Variants in TMX3 observed in about 807,000 individuals in gnomAD.
TMX3 encodes protein disulfide-isomerase TMX3.
A neutral mutation model predicts 64.4 loss-of-function variants in TMX3; 40 were observed. The ratio of observed to expected loss-of-function variants is 0.62; its 90% CI spans 0.48 to 0.81. TMX3 has a LOEUF of 0.81. Ranked by LOEUF, TMX3 falls within the 30% of genes least tolerant of loss-of-function variation. The pLI is 0.00. For synonymous variants in TMX3, 189 were observed against 175.7 expected, an observed-to-expected ratio of 1.08 and a Z score of -0.60; for missense variants, 497 against 534.5, an observed-to-expected ratio of 0.93 and a Z score of 0.69.
At chr18:68,691,117 A>C (rs1914475714) in intron 9 of TMX3, 178 bp downstream of exon 9, 1 of 413,132 alleles carries the variant, frequency 2.4e-6, no homozygotes, top group Non-Finnish European at 4.4e-6. Context: ...CAGAATAAAA[A>C]TAACTAACAA....
At chr18:68,703,697 G>A (rs1409915983) in intron 4 of TMX3, among the ~76,000 whole-genome samples, 4 of 152,210 alleles carry the variant, frequency 2.6e-5, no homozygotes, top group African/African-American at 9.6e-5. Context: ...TTGGGAGGCT[G>A]AGGCCAGTGG....
At chr18:68,714,320 G>A (rs2031656966) in intron 1 of TMX3, 1 of 155,848 alleles carries the variant, frequency 6.4e-6, no homozygotes, top group African/African-American at 2.4e-5. Flanking sequence ...TAGATACGTA[G>A]GAAGAAAGTC....
intron 9 of TMX3, chr18:68,690,972 T>C (rs1914464317): frequency 3.8e-6 from 1 of 260,998 alleles, no homozygotes; most frequent in African/African-American, 2.2e-5. Flanking sequence ...TCTTTTTCTG[T>C]ATCTGAAATG....
intron 8 of TMX3, chr18:68,696,911 A>ACACACACACACACAC (rs1568192049): frequency 8.2e-6 from 2 of 243,836 alleles, no homozygotes; most frequent in African/African-American, 4.7e-5. Context: ...TACGCACGCA[A>ACACACACACACACAC]AATAATCCAC....
intron 2 of TMX3, among the ~76,000 whole-genome samples, chr18:68,711,852 C>A (rs529545457): frequency 2.1e-4 from 32 of 152,210 alleles, no homozygotes; most frequent in African/African-American, 7.7e-4. Context: ...TCATAAAATG[C>A]GCGTGAGAAA....
At chr18:68,681,300 ATTTG>A (rs1913411834) in intron 13 of TMX3, 190 bp from the exon 14 acceptor site, 3 of 579,652 alleles carry the variant, frequency 5.2e-6, no homozygotes, top group Non-Finnish European at 7.3e-6. Flanking sequence ...TACCTTTTTA[ATTTG>A]TTTGATATTT....
intron 9 of TMX3, among the ~76,000 whole-genome samples, chr18:68,689,409 AG>A (rs1437203238): frequency 1.3e-5 from 2 of 151,382 alleles, no homozygotes; most frequent in Non-Finnish European, 2.9e-5. Context: ...TTTTTTTTAA[AG>A]GAAGAAACAA....
At chr18:68,696,001 C>T (rs992449843) in intron 8 of TMX3, among the ~76,000 whole-genome samples, 24 of 152,194 alleles carry the variant, frequency 1.6e-4, no homozygotes, top group African/African-American at 4.6e-4. Context: ...GTTATCTGTT[C>T]GTTTCTGGCG....
chr18:68,695,163 C>G lies in TMX3; in HGVS notation c.570+2063G>C, dbSNP rs143722949. Among the ~76,000 whole-genome samples the G allele has an allele frequency of 9.8e-3, 1,496 of 152,284 alleles. 31 individuals are homozygous for G. The highest frequency in any genetic ancestry group is 0.055 in the East Asian group (286 of 5,170). ...CTCCCCATTACTCCTCTGAAAACCA[C>G]CAACAACCTCCATGTGGACACACAT... On this transcript the variant is annotated intron_variant, in intron 8 of 15. Coordinates refer to ENST00000299608, the MANE Select transcript of TMX3 (RefSeq NM_019022.5).
chr18:68,701,736 T>C lies in TMX3; in HGVS notation c.311+9A>G, dbSNP rs1159101080. 1 of 1,611,728 alleles carries C rather than the reference T, an allele frequency of 6.2e-7. No homozygotes were observed. The highest frequency in any genetic ancestry group is 1.3e-5 in the African/African-American group (1 of 74,944). On this transcript the variant is annotated intron_variant, in intron 5 of 15. Coordinates refer to ENST00000299608, the MANE Select transcript of TMX3 (RefSeq NM_019022.5). ...AAATACACATATAAACATACAACACTCAACTTACAGCTTAATTGTTGGATA... is the reference window on the plus strand; with the variant it reads ...AAATACACATATAAACATACAACACCCAACTTACAGCTTAATTGTTGGATA...
chr18:68,709,997 A>T, intron 4 of TMX3, 24 bp downstream of exon 4: 8 of 1,564,794 alleles, frequency 5.1e-6, no homozygotes, highest in Non-Finnish European at 6.9e-6. Context: ...GAACAGTAAA[A>T]TAATAAACTA....
chr18:68,708,988 G>A lies in TMX3; in HGVS notation c.265+1033C>T, dbSNP rs189086993. Among the ~76,000 whole-genome samples the A allele has an allele frequency of 6.6e-3, 1,006 of 152,214 alleles. 42 individuals are homozygous for A. Among genetic ancestry groups the A allele is most frequent in the Non-Finnish European group, 2.1e-3 (140 of 67,978 alleles). On this transcript the variant is annotated intron_variant, in intron 4 of 15. Coordinates refer to ENST00000299608, the MANE Select transcript of TMX3 (RefSeq NM_019022.5). ...AAACATAGCTCTGTCTTGCTCCAAA[G>A]TAAAATTGCTGATTTCCTAAAACGA... is the stretch of plus-strand genomic sequence containing the variant.
At chr18:68,683,595 T>C (rs1913658299) in intron 12 of TMX3, among the ~76,000 whole-genome samples, 1 of 152,172 alleles carries the variant, frequency 6.6e-6, no homozygotes, top group Non-Finnish European at 1.5e-5. Context: ...TACATGTGCA[T>C]ATTTTATTTA....
At chr18:68,704,331 A>G (rs1022371981) in intron 4 of TMX3, among the ~76,000 whole-genome samples, 13 of 152,232 alleles carry the variant, frequency 8.5e-5, no homozygotes, top group African/African-American at 2.9e-4. Flanking sequence ...TGTGAGGAGG[A>G]AAAACTAGTG....
Position 68,675,054 on chromosome 18 carries a change from A to G in TMX3, c.*1879T>C, listed in dbSNP as rs1219485901. 1 of 152,160 alleles carries G rather than the reference A, an allele frequency of 6.6e-6. No homozygotes were observed. Among genetic ancestry groups the G allele is most frequent in the Non-Finnish European group, 1.5e-5 (1 of 67,998 alleles). 9.4% of individuals were successfully genotyped at this position (152,160 alleles called of 1,614,324 possible). A position where few individuals can be genotyped will look rare whatever the true frequency, so the allele number is the denominator to read the frequency against. On this transcript the variant is annotated 3_prime_UTR_variant, in exon 16 of 16. Transcript: ENST00000299608. ...AATGACTAATTATAAATATGAAAAA[A>G]TTCAGTGACATTTTCTATAACTATT...
rs924549989 is a variant in TMX3 at position 68,715,023 on chromosome 18, G to A, written c.-42C>T. 1.0e-5 allele frequency: 16 copies of A among 1,554,508 alleles called. No homozygotes were observed. Among genetic ancestry groups the A allele is most frequent in the Non-Finnish European group, 1.4e-5 (16 of 1,149,420 alleles). The stretch of plus-strand genomic sequence containing the variant: ...TGCAGAAGCTGACTGTGCAAAAGAG[G>A]GATAAAGACACTGGGGTCCGCCGCC... On this transcript the variant is annotated 5_prime_UTR_variant, in exon 1 of 16. Coordinates refer to ENST00000299608, the MANE Select transcript of TMX3 (RefSeq NM_019022.5).
chr18:68,715,058 G>A lies in TMX3; in HGVS notation c.-77C>T, dbSNP rs865983306. On this transcript the variant is annotated 5_prime_UTR_variant, in exon 1 of 16. Coordinates refer to ENST00000299608, the MANE Select transcript of TMX3 (RefSeq NM_019022.5). ...ACTGGGGTCCGCCGCCTGCCCGCCC[G>A]GAAAGGGAAACGGAGCCGACCCGGA... 1.3e-5 allele frequency: 20 copies of A among 1,546,560 alleles called. No homozygotes were observed. In the East Asian group the frequency reaches 3.2e-4, roughly 25 times the overall value.
At chr18:68,707,041 T>C (rs1457258317) in intron 4 of TMX3, among the ~76,000 whole-genome samples, 2 of 152,212 alleles carry the variant, frequency 1.3e-5, no homozygotes, top group African/African-American at 4.8e-5. Context: ...CCCACAAGAA[T>C]ATAAGTTCCA....
rs761815705 is a variant in TMX3 at position 68,684,461 on chromosome 18, A to G, written c.761T>C (p.Ile254Thr). 1.6e-5 allele frequency: 26 copies of G among 1,613,016 alleles called. 1 individual carries two copies. In the South Asian group the frequency reaches 1.8e-4, roughly 11 times the overall value. The change falls in exon 11 of 16, where the codon ATT becomes ACT. Residue 254 changes from isoleucine to threonine, a missense_variant. Physicochemically the swap from Ile to Thr is moderately conservative, Grantham distance 89 (BLOSUM62 -1). Transcript: ENST00000299608. ...TTCAACTGATGTATTTTTCTCATCA[A>G]TAACTGCAAGAGCCACAAGCTTTCC... ...DTGKLVALAV[I>T]DEKNTSVEHT...
Sources: allele counts gnomAD v4.1 joint callset (sites outside exome capture counted in the v4.1 genomes callset), GRCh38; gene constraint gnomAD v4.1.1; transcripts MANE v1.5; gene names NCBI Gene and HGNC (gene_info 2026-07-23, HGNC 2026-07-21).